The following SASH1 variants were observed in gnomAD, a reference collection of about 807,000 sequenced individuals.
SASH1 encodes the protein SAM and SH3 domain-containing protein 1.
Under a neutral mutation model 125.2 loss-of-function variants are expected in SASH1, and 44 were observed. The observed-to-expected ratio is 0.35, with a 90% CI of 0.28 to 0.45. SASH1 has a LOEUF of 0.45. Among genes scored for constraint, SASH1 ranks in the 20% least tolerant of loss-of-function variants. The pLI, the probability that SASH1 is intolerant of heterozygous loss-of-function variation, is 1.00. For missense variants in SASH1, 1,426 were observed against 1,614.5 expected (o/e 0.88, Z 2.00); for synonymous variants, 639 against 649.1 (o/e 0.98, Z 0.24).
intron 15 of SASH1, 104 bp from the exon 16 acceptor site, chr6:148,534,647 A>G (rs1781731139): frequency 1.8e-6 from 2 of 1,094,652 alleles, no homozygotes; most frequent in Admixed American, 1.7e-5. Flanking sequence ...ATTAGCCTGA[A>G]GGTGACTATG....
the SASH1 span, among the ~76,000 whole-genome samples, chr6:148,265,363 C>T: frequency 7.1e-5 from 9 of 126,908 alleles, no homozygotes; most frequent in Admixed American, 1.7e-4. Flanking sequence ...GAAGGAGGGA[C>T]GGAGGGAGGG....
chr6:148,205,553 T>G, the SASH1 span, among the ~76,000 whole-genome samples: 4,248 of 152,198 alleles, frequency 0.028, 85 homozygotes, highest in East Asian at 0.06. Context: ...ATAATGTCAG[T>G]GCTAAGTAGT....
In SASH1 at chr6:148,550,055, T is replaced by A. The variant is rs1314103216; in HGVS notation, c.*1497T>A. On this transcript the variant is annotated 3_prime_UTR_variant, in exon 20 of 20. Coordinates refer to ENST00000367467, the MANE Select transcript of SASH1 (RefSeq NM_015278.5). ...AAACTCAACTCCTGACCTCAGGTGG[T>A]CCACCCGCCTCAGCCTCCCAAAGTG... 6.6e-6 allele frequency: 1 copy of A among 152,410 alleles called. No homozygotes were observed. The highest frequency in any genetic ancestry group is 2.4e-5 in the African/African-American group (1 of 41,460). The allele number at this position is 152,410 out of a possible 1,614,324, so 9.4% of individuals were successfully genotyped here.
the SASH1 span, among the ~76,000 whole-genome samples, chr6:148,242,765 C>T: frequency 1.3e-5 from 2 of 152,078 alleles, no homozygotes; most frequent in African/African-American, 4.8e-5. Flanking sequence ...TCCCTTATGC[C>T]GTTGGTTCAT....
intron 2 of SASH1, among the ~76,000 whole-genome samples, chr6:148,420,898 T>G (rs1233268815): frequency 6.6e-6 from 1 of 151,936 alleles, no homozygotes; most frequent in African/African-American, 2.4e-5. Flanking sequence ...CTGGCCAACA[T>G]GGCAAAACCC....
chr6:148,199,527 A>G, the SASH1 span, among the ~76,000 whole-genome samples: 3 of 152,144 alleles, frequency 2.0e-5, no homozygotes, highest in African/African-American at 7.2e-5. Flanking sequence ...GTGAGACCCC[A>G]TCTCTATAAA....
intron 2 of SASH1, among the ~76,000 whole-genome samples, chr6:148,429,082 T>C (rs749389199): frequency 6.6e-6 from 1 of 152,236 alleles, no homozygotes; most frequent in Admixed American, 6.5e-5. Context: ...CAACATTCTG[T>C]TTTAAGTTCT....
At chr6:148,302,820 G>GTATATA (rs71031062) in intron 1 of SASH1, among the ~76,000 whole-genome samples, 38 of 143,934 alleles carry the variant, frequency 2.6e-4, no homozygotes, top group East Asian at 6.2e-4. Context: ...GACCTCAGGA[G>GTATATA]TATATATATA....
the SASH1 span, among the ~76,000 whole-genome samples, chr6:148,213,786 C>G: frequency 1.3e-5 from 2 of 152,110 alleles, no homozygotes; most frequent in Non-Finnish European, 2.9e-5. Flanking sequence ...TTTTCATCAT[C>G]TGCAATACTC....
At chr6:148,459,186 T>C (rs146035445) in intron 4 of SASH1, among the ~76,000 whole-genome samples, 55 of 152,286 alleles carry the variant, frequency 3.6e-4, no homozygotes, top group African/African-American at 1.1e-3. Context: ...CTCAACTTCT[T>C]ATGCAGTTCA....
chr6:148,390,675 C>T (rs1436428860), intron 2 of SASH1, among the ~76,000 whole-genome samples: 1 of 151,886 alleles, frequency 6.6e-6, no homozygotes, highest in East Asian at 1.9e-4. Context: ...GTAGTCCCAG[C>T]TACTCGGGAG....
rs915485221 is a variant in SASH1 at position 148,474,296 on chromosome 6, A to C, written c.627+74A>C. ...AAGTGTAAAAATGTTTGCGGCCAACAAGGGGTATAGGAATCAGGTACCCAT... is the reference window on the plus strand; with the variant it reads ...AAGTGTAAAAATGTTTGCGGCCAACCAGGGGTATAGGAATCAGGTACCCAT... On this transcript the variant is annotated intron_variant, in intron 7 of 19. Coordinates refer to ENST00000367467, the MANE Select transcript of SASH1 (RefSeq NM_015278.5). 9.9e-5 allele frequency: 85 copies of C among 857,566 alleles called. No homozygotes were observed. In the South Asian group the frequency reaches 1.2e-3, roughly 13 times the overall value. 53.1% of individuals were successfully genotyped at this position (857,566 alleles called of 1,614,324 possible).
intron 1 of SASH1, among the ~76,000 whole-genome samples, chr6:148,284,254 C>A (rs1254282645): frequency 6.6e-6 from 1 of 152,154 alleles, no homozygotes; most frequent in Admixed American, 6.5e-5. Flanking sequence ...GCCTAGCCAA[C>A]ATAGTGAAAC....
Position 148,532,837 on chromosome 6 carries a change from C to T in SASH1, c.1605C>T (p.Asn535=). 3.1e-6 allele frequency: 5 copies of T among 1,614,230 alleles called. No individual in the cohort carries two copies. Among genetic ancestry groups the T allele is most frequent in the Non-Finnish European group, 2.5e-6 (3 of 1,180,042 alleles). ...TVSTTDSSTS[N]RESVKSEDGD... ...GCACCACTGATTCCTCAACCAGCAA[C>T]CGGGAAAGCGTCAAGTCGGAAGATG... Residue 535 remains asparagine (N), a synonymous_variant, in exon 14 of 20, where the codon AAC becomes AAT. Coordinates refer to ENST00000367467, the MANE Select transcript of SASH1 (RefSeq NM_015278.5). This position sits in a 1 kb window ranked among gnomAD's most constrained non-coding sequence, Gnocchi z 4.7.
At chr6:148,545,204 A>G (rs1453970120) in intron 18 of SASH1, among the ~76,000 whole-genome samples, 1 of 152,242 alleles carries the variant, frequency 6.6e-6, no homozygotes, top group African/African-American at 2.4e-5. Flanking sequence ...CTGTATAATG[A>G]AAAATTATTT....
intron 1 of SASH1, among the ~76,000 whole-genome samples, chr6:148,335,046 C>T (rs1276777163): frequency 6.7e-6 from 1 of 149,916 alleles, no homozygotes; most frequent in Non-Finnish European, 1.5e-5. Flanking sequence ...ACTTGTAATC[C>T]CAGCACTATG....
chr6:148,437,353 G>T (rs531388669), intron 2 of SASH1, among the ~76,000 whole-genome samples: 39 of 152,056 alleles, frequency 2.6e-4, no homozygotes, highest in Admixed American at 1.0e-3. Context: ...ATCCTCGGGG[G>T]ATAAAATTAA....
chr6:148,451,444 T>C (rs1010194253), intron 4 of SASH1, among the ~76,000 whole-genome samples: 2 of 152,210 alleles, frequency 1.3e-5, no homozygotes, highest in Non-Finnish European at 2.9e-5. Context: ...TTGCCCCCCT[T>C]TTCTTACCGG....
At chr6:148,283,174 C>G (rs559528906) in intron 1 of SASH1, among the ~76,000 whole-genome samples, 29 of 152,296 alleles carry the variant, frequency 1.9e-4, no homozygotes, top group African/African-American at 6.7e-4. Context: ...ACTGTCCTCC[C>G]GTCTAGCTGA....
Sources: gnomAD v4.1 joint callset for allele counts (sites outside exome capture counted in the v4.1 genomes callset) on GRCh38, gnomAD v4.1.1 for gene constraint, Gnocchi (gnomAD v3.1) non-coding constraint, MANE v1.5 for transcripts, NCBI Gene and HGNC (gene_info 2026-07-23, HGNC 2026-07-21) for gene names.